The following LY6S variants were observed in gnomAD, a reference collection of about 807,000 sequenced individuals.
The protein encoded by LY6S is lymphocyte antigen 6 family member S.
At chr8:143,059,634 T>C in the LY6S span, 1 of 152,290 alleles carries the variant, frequency 6.6e-6, no homozygotes, top group East Asian at 1.9e-4. Flanking sequence ...CTCAGCTAAT[T>C]TTTAAAATTT....
chr8:143,049,070 G>A, the LY6S span: 1 of 455,358 alleles, frequency 2.2e-6, no homozygotes, highest in Admixed American at 2.4e-5. Flanking sequence ...CCAGGACGGT[G>A]TATGCCAAAT....
At chr8:143,065,860 T>G in the LY6S span, 2 of 160,974 alleles carry the variant, frequency 1.2e-5, no homozygotes, top group Non-Finnish European at 2.8e-5. Context: ...GTACGATATC[T>G]ATTTTGTTTT....
At chr8:143,055,339 C>G in the LY6S span, among the ~76,000 whole-genome samples, 1 of 152,142 alleles carries the variant, frequency 6.6e-6, no homozygotes, top group Non-Finnish European at 1.5e-5. Context: ...AAGTAATAGC[C>G]ACAGTAATGA....
chr8:143,050,405 T>G, the LY6S span, among the ~76,000 whole-genome samples: 3 of 151,946 alleles, frequency 2.0e-5, no homozygotes, highest in African/African-American at 7.3e-5. Flanking sequence ...GGTCACAAAC[T>G]CCTGACCTAA....
the LY6S span, among the ~76,000 whole-genome samples, chr8:143,065,359 C>A: frequency 4.6e-5 from 7 of 152,170 alleles, no homozygotes; most frequent in African/African-American, 1.7e-4. Context: ...TGCCTCACAC[C>A]ATGAGCTCAT....
At chr8:143,042,908 G>T in the LY6S span, 2 of 933,098 alleles carry the variant, frequency 2.1e-6, no homozygotes, top group South Asian at 1.3e-5. Flanking sequence ...GGGCTGGAGG[G>T]CCTGGGCCCA....
chr8:143,070,446 GTATATA>G, the LY6S span, among the ~76,000 whole-genome samples: 1 of 69,516 alleles, frequency 1.4e-5, no homozygotes. Flanking sequence ...TATATATATT[GTATATA>G]TATATATATA....
chr8:143,042,507 T>A, the LY6S span: 1 of 155,276 alleles, frequency 6.4e-6, no homozygotes, highest in African/African-American at 2.4e-5. Context: ...CAGGAGCACC[T>A]CCCCAAGGCC....
At chr8:143,041,118 G>T in the LY6S span, among the ~76,000 whole-genome samples, 1 of 152,148 alleles carries the variant, frequency 6.6e-6, no homozygotes, top group African/African-American at 2.4e-5. Context: ...ATCTTATCAG[G>T]AGACAGGGTT....
At chr8:143,068,697 T>C in the LY6S span, among the ~76,000 whole-genome samples, 1 of 152,194 alleles carries the variant, frequency 6.6e-6, no homozygotes, top group Admixed American at 6.5e-5. Flanking sequence ...TAATTATATA[T>C]TTATAGTGGT....
chr8:143,043,764 C>T, the LY6S span, among the ~76,000 whole-genome samples: 1 of 152,120 alleles, frequency 6.6e-6, no homozygotes. Context: ...CAACCTCCAC[C>T]TCCTGGGTTC....
At chr8:143,056,954 G>T in the LY6S span, 9 of 198,550 alleles carry the variant, frequency 4.5e-5, no homozygotes, top group Non-Finnish European at 8.8e-5. Context: ...AAGTAATATA[G>T]TTTTCAAAGA....
At chr8:143,044,827 T>C in the LY6S span, 871,280 of 1,360,612 alleles carry the variant, frequency 0.64, 279,737 homozygotes, top group East Asian at 0.75. Flanking sequence ...GGTGGGTGAC[T>C]GCAGCACATG....
the LY6S span, among the ~76,000 whole-genome samples, chr8:143,068,707 T>C: frequency 6.6e-6 from 1 of 152,178 alleles, no homozygotes; most frequent in African/African-American, 2.4e-5. Context: ...TTTATAGTGG[T>C]TGTTATGGTG....
the LY6S span, among the ~76,000 whole-genome samples, chr8:143,070,364 G>GATAT: frequency 1.4e-4 from 17 of 123,448 alleles, no homozygotes; most frequent in African/African-American, 4.9e-4. Flanking sequence ...TTCTCCAGCT[G>GATAT]ATATATATAT....
chr8:143,070,485 ATATATTTT>A, the LY6S span, among the ~76,000 whole-genome samples: 11 of 84,828 alleles, frequency 1.3e-4, 1 homozygote, highest in Admixed American at 4.0e-4. Flanking sequence ...AAATATATAT[ATATATTTT>A]TTTTTTTTTT....
the LY6S span, chr8:143,053,467 C>T: frequency 1.3e-5 from 2 of 152,150 alleles, no homozygotes; most frequent in Non-Finnish European, 2.9e-5. Context: ...GACTACCAAA[C>T]GCTGGGAATA....
At chr8:143,076,176 G>A in the LY6S span, among the ~76,000 whole-genome samples, 10 of 152,326 alleles carry the variant, frequency 6.6e-5, no homozygotes, top group Admixed American at 2.0e-4. Context: ...GCTTACTGAT[G>A]TCACTAAACC....
At chr8:143,063,519 C>T in the LY6S span, among the ~76,000 whole-genome samples, 2 of 152,184 alleles carry the variant, frequency 1.3e-5, no homozygotes, top group Non-Finnish European at 2.9e-5. Context: ...TCTGTTACCT[C>T]GGAAACAGTT....
Sources: allele counts gnomAD v4.1 joint callset (sites outside exome capture counted in the v4.1 genomes callset), GRCh38; gene constraint gnomAD v4.1.1; transcripts MANE v1.5; gene names NCBI Gene and HGNC (gene_info 2026-07-23, HGNC 2026-07-21).